Variants in TMEM132C observed in about 807,000 individuals in gnomAD.
TMEM132C encodes protein phosphatase 1, regulatory subunit 152.
A neutral mutation model predicts 61.4 loss-of-function variants in TMEM132C; 29 were observed. The ratio of observed to expected loss-of-function variants is 0.47; its 90% CI spans 0.35 to 0.64. TMEM132C has a LOEUF of 0.64. TMEM132C is among the 30% of genes least tolerant of loss of function. The pLI, the probability that TMEM132C is intolerant of heterozygous loss-of-function variation, is 0.00. For synonymous variants in TMEM132C, 656 were observed against 633.1 expected (o/e 1.04, Z -0.54); for missense variants, 1,408 against 1,476.9 (o/e 0.95, Z 0.76).
chr12:128,402,397 A>C (rs1593040722), intron 1 of TMEM132C, among the ~76,000 whole-genome samples: 1 of 151,776 alleles, frequency 6.6e-6, no homozygotes, highest in East Asian at 1.9e-4. Context: ...CCCTCCTTCC[A>C]CCCTCCATCC....
intron 3 of TMEM132C, among the ~76,000 whole-genome samples, chr12:128,576,972 A>T (rs895977438): frequency 6.6e-6 from 1 of 152,156 alleles, no homozygotes; most frequent in Non-Finnish European, 1.5e-5. Context: ...TGTACCATCC[A>T]ATGGTTTTTA....
chr12:128,326,743 G>A lies in TMEM132C; in HGVS notation c.85+59256G>A, dbSNP rs537244009. Among the ~76,000 whole-genome samples, 21 of 152,076 alleles carry A rather than the reference G, an allele frequency of 1.4e-4. 1 individual carries two copies. Among genetic ancestry groups the A allele is most frequent in the Non-Finnish European group, 2.2e-4 (15 of 68,028 alleles). On this transcript the variant is annotated intron_variant, in intron 1 of 8. Transcript: ENST00000435159. The surrounding 1 kb of genome is among the most constrained non-coding windows in gnomAD (Gnocchi z 5.6). ...GGAAGGTAAGAGGCAGAGAAGTTTC[G>A]AGATTCATCAGATGTCTTTATGGCT...
At chr12:128,517,199 C>G (rs1016092608) in intron 2 of TMEM132C, among the ~76,000 whole-genome samples, 3 of 151,242 alleles carry the variant, frequency 2.0e-5, no homozygotes, top group Non-Finnish European at 4.4e-5. Context: ...CCACGGCACT[C>G]CAGCCTGAGT....
chr12:128,479,682 G>A (rs1032549248), intron 2 of TMEM132C, among the ~76,000 whole-genome samples: 24 of 152,136 alleles, frequency 1.6e-4, no homozygotes, highest in African/African-American at 5.8e-4. Context: ...ACTATCTGGC[G>A]CTTTAGAGGA....
chr12:128,559,836 T>G (rs1357394711), intron 3 of TMEM132C, among the ~76,000 whole-genome samples: 1 of 152,236 alleles, frequency 6.6e-6, no homozygotes, highest in African/African-American at 2.4e-5. Flanking sequence ...AGGGACCATG[T>G]GCAGGCTGTA....
intron 1 of TMEM132C, among the ~76,000 whole-genome samples, chr12:128,389,672 C>G (rs1242719685): frequency 6.6e-6 from 1 of 152,110 alleles, no homozygotes; most frequent in Non-Finnish European, 1.5e-5. Context: ...AAGAAGAGGA[C>G]ATGGCCAGCC....
chr12:128,494,774 G>T (rs1237045275), intron 2 of TMEM132C, among the ~76,000 whole-genome samples: 1 of 151,740 alleles, frequency 6.6e-6, no homozygotes, highest in Non-Finnish European at 1.5e-5. Context: ...TATCAATTTT[G>T]TTGATCTTTT....
intron 2 of TMEM132C, among the ~76,000 whole-genome samples, chr12:128,509,810 A>C (rs1872513130): frequency 6.6e-6 from 1 of 152,208 alleles, no homozygotes. Context: ...CATTTTTAAA[A>C]ATAAGGCCAG....
At chr12:128,340,810 T>G (rs936721571) in intron 1 of TMEM132C, among the ~76,000 whole-genome samples, 6 of 150,910 alleles carry the variant, frequency 4.0e-5, no homozygotes, top group Non-Finnish European at 7.4e-5. Flanking sequence ...TTTCTTTCTT[T>G]CTCTCTTTCT....
chr12:128,535,075 G>C (rs1434269813), intron 2 of TMEM132C, among the ~76,000 whole-genome samples: 1 of 152,200 alleles, frequency 6.6e-6, no homozygotes, highest in Non-Finnish European at 1.5e-5. Context: ...TTTCCTGCTA[G>C]GGGCAATGGG....
At chr12:128,568,767 A>T (rs994798274) in intron 3 of TMEM132C, among the ~76,000 whole-genome samples, 4 of 152,108 alleles carry the variant, frequency 2.6e-5, no homozygotes, top group African/African-American at 9.7e-5. Context: ...GGCGTCATGA[A>T]ACCCCGAGCC....
intron 2 of TMEM132C, among the ~76,000 whole-genome samples, chr12:128,427,387 G>GTGTGT (rs1869224289): frequency 5.3e-5 from 7 of 132,294 alleles, no homozygotes; most frequent in African/African-American, 1.8e-4. Context: ...CTTCCAAAGG[G>GTGTGT]GTGTGTGTGT....
At chr12:128,689,580 T>C (rs1320745101) in intron 5 of TMEM132C, among the ~76,000 whole-genome samples, 1 of 152,126 alleles carries the variant, frequency 6.6e-6, no homozygotes, top group African/African-American at 2.4e-5. Flanking sequence ...ACAAAAACCA[T>C]ACTAGGAGCT....
At chr12:128,513,681 T>A (rs1433682509) in intron 2 of TMEM132C, among the ~76,000 whole-genome samples, 2 of 152,156 alleles carry the variant, frequency 1.3e-5, no homozygotes, top group Non-Finnish European at 2.9e-5. Context: ...TTAGGAAAGA[T>A]GTCAGGTATA....
chr12:128,567,999 A>C (rs2136168718), intron 3 of TMEM132C, among the ~76,000 whole-genome samples: 1 of 152,238 alleles, frequency 6.6e-6, no homozygotes, highest in East Asian at 1.9e-4. Context: ...CGCAGGAGCC[A>C]ATGTCCATTA....
intron 4 of TMEM132C, among the ~76,000 whole-genome samples, chr12:128,652,478 G>A (rs1356590370): frequency 6.6e-6 from 1 of 152,256 alleles, no homozygotes; most frequent in Non-Finnish European, 1.5e-5. Context: ...TCGCAAGGCA[G>A]CCGATAAGCT....
rs1410357943 is a variant in TMEM132C at position 128,544,059 on chromosome 12, G to A, written c.1077G>A (p.Thr359=). ...TGGGCAGCGGCGGAAAGCACGTGAC[G>A]GCCACCGTGGCCTGCCAGCGCCTGG... The part of the protein sequence containing the change: ...QEVGSGGKHV[T]ATVACQRLGP... The change falls in exon 3 of 9, where the codon ACG becomes ACA. Residue 359 remains threonine, a synonymous_variant. Transcript: ENST00000435159. 8 of 1,545,140 alleles carry A rather than the reference G, an allele frequency of 5.2e-6. No homozygotes were observed. Among genetic ancestry groups the A allele is most frequent in the South Asian group, 2.4e-5 (2 of 82,898 alleles).
At chr12:128,431,361 AT>A (rs1295385372) in intron 2 of TMEM132C, among the ~76,000 whole-genome samples, 2 of 152,172 alleles carry the variant, frequency 1.3e-5, no homozygotes, top group African/African-American at 4.8e-5. Flanking sequence ...CTTGAGGCTA[AT>A]GGAAAGAAAT....
intron 1 of TMEM132C, among the ~76,000 whole-genome samples, chr12:128,305,170 G>A (rs1299010278): frequency 6.6e-6 from 1 of 152,016 alleles, no homozygotes; most frequent in Non-Finnish European, 1.5e-5. Context: ...CTTGAGGCCA[G>A]GAGTTCGGCC....
Sources: allele counts gnomAD v4.1 joint callset (sites outside exome capture counted in the v4.1 genomes callset), GRCh38; gene constraint gnomAD v4.1.1; non-coding constraint Gnocchi (gnomAD v3.1); transcripts MANE v1.5; gene names NCBI Gene and HGNC (gene_info 2026-07-23, HGNC 2026-07-21).